CCR3: variants seen among roughly 807,000 people sequenced by gnomAD.
CCR3 encodes the protein C-C chemokine receptor type 3.
For missense variants in CCR3, 419 were observed against 437.5 expected, an observed-to-expected ratio of 0.96 and a Z score of 0.38; for synonymous variants, 203 against 179.2, an observed-to-expected ratio of 1.13 and a Z score of -1.06.
intron 2 of CCR3, among the ~76,000 whole-genome samples, chr3:46,211,763 G>A (rs1020331461): frequency 1.3e-5 from 2 of 152,048 alleles, no homozygotes; most frequent in African/African-American, 2.4e-5. Context: ...ACACTGGTGA[G>A]TGAATACAAT....
intron 2 of CCR3, among the ~76,000 whole-genome samples, chr3:46,221,519 G>T (rs1699836959): frequency 1.3e-5 from 2 of 152,220 alleles, no homozygotes; most frequent in South Asian, 4.1e-4. Context: ...TTCACAAAGA[G>T]AGGTCCTGAC....
At chr3:46,234,005 A>G (rs532082519) in intron 2 of CCR3, among the ~76,000 whole-genome samples, 7 of 152,336 alleles carry the variant, frequency 4.6e-5, no homozygotes, top group South Asian at 4.1e-4. Flanking sequence ...CTGGGCTGCA[A>G]TGGATACCCC....
chr3:46,212,961 G>A (rs918066760), intron 2 of CCR3, among the ~76,000 whole-genome samples: 33 of 152,200 alleles, frequency 2.2e-4, no homozygotes, highest in African/African-American at 7.9e-4. Flanking sequence ...TATACATTGG[G>A]TACTTTTGAC....
At chr3:46,251,879 A>C (rs1351229433) in intron 1 of CCR3, among the ~76,000 whole-genome samples, 4 of 152,132 alleles carry the variant, frequency 2.6e-5, no homozygotes. Context: ...GACTTTCACA[A>C]GGTAATGTCA....
intron 1 of CCR3, among the ~76,000 whole-genome samples, chr3:46,252,881 C>T (rs1454984989): frequency 6.6e-6 from 1 of 151,630 alleles, no homozygotes; most frequent in Non-Finnish European, 1.5e-5. Context: ...CTTTCCACTA[C>T]ATTTAAAATA....
chr3:46,228,714 A>G (rs531796726), intron 2 of CCR3, among the ~76,000 whole-genome samples: 11 of 152,372 alleles, frequency 7.2e-5, no homozygotes, highest in African/African-American at 1.7e-4. Context: ...CTGCCATTTG[A>G]TAACTGTACA....
At chr3:46,215,762 A>G (rs907164254) in intron 2 of CCR3, among the ~76,000 whole-genome samples, 2 of 152,206 alleles carry the variant, frequency 1.3e-5, no homozygotes. Flanking sequence ...CAGAGGACCA[A>G]GAGGGCTGGA....
upstream of CCR3, among the ~76,000 whole-genome samples, chr3:46,237,834 G>C (rs115339805): frequency 3.3e-3 from 495 of 152,280 alleles, 5 homozygotes; most frequent in African/African-American, 0.011. Flanking sequence ...AATGTAAGCT[G>C]CTACATTTTA....
Position 46,210,966 on chromosome 3 carries a change from A to G in CCR3, c.-68+59A>G, listed in dbSNP as rs535714633. On this transcript the variant is annotated intron_variant, in intron 2 of 3. Transcript: ENST00000357422. ...GAGTCACATGGAAGCTTGAAGGACAATTGACTCCTAGGCCCACCCCCAGAT... is the reference window on the plus strand; with the variant it reads ...GAGTCACATGGAAGCTTGAAGGACAGTTGACTCCTAGGCCCACCCCCAGAT... 2.0e-5 allele frequency: 3 copies of G among 152,316 alleles called. No individual in the cohort carries two copies. In the East Asian group the frequency reaches 5.8e-4, roughly 29 times the overall value. The allele number at this position is 152,316 out of a possible 1,614,324, so 9.4% of individuals were successfully genotyped here.
Position 46,242,980 on chromosome 3 carries a change from C to CATATAT in CCR3, c.-12+443_-12+444insTATATA, listed in dbSNP as rs758465669. ...ATATATGTGTATATATATATATATACACATATATATATATATATATATACG... is the reference window on the plus strand; with the variant it reads ...ATATATGTGTATATATATATATATACATATATACATATATATATATATATATATACG... On this transcript the variant is annotated intron_variant, in intron 1 of 1. Coordinates refer to ENST00000395940, the MANE Select transcript of CCR3 (RefSeq NM_178329.3). Among the ~76,000 whole-genome samples, 238 of 98,902 alleles carry CATATAT rather than the reference C, an allele frequency of 2.4e-3. 4 individuals carry two copies. Among genetic ancestry groups the CATATAT allele is most frequent in the Admixed American group, 2.5e-3 (26 of 10,262 alleles). 64.9% of individuals were successfully genotyped at this position (98,902 alleles called of 152,430 possible).
chr3:46,243,353 A>C lies in CCR3; in HGVS notation c.-12+815A>C, dbSNP rs559481855. 2.0e-5 allele frequency among the ~76,000 whole-genome samples: 3 copies of C among 152,252 alleles called. No individual in the cohort carries two copies. In the East Asian group the frequency reaches 5.8e-4, roughly 29 times the overall value. On this transcript the variant is annotated intron_variant, in intron 1 of 1. Coordinates refer to ENST00000395940, the MANE Select transcript of CCR3 (RefSeq NM_178329.3). ...GAATACACAAATGTGGAACCCATGG[A>C]TACAGAGGGCTGATTATATACATAT... is the stretch of plus-strand genomic sequence containing the variant.
chr3:46,244,482 A>G (rs898240665), intron 1 of CCR3, among the ~76,000 whole-genome samples: 1 of 152,112 alleles, frequency 6.6e-6, no homozygotes, highest in African/African-American at 2.4e-5. Context: ...GCGAAGGGAG[A>G]TAAGGGTGGG....
At chr3:46,246,486 G>A (rs1440872567) in intron 1 of CCR3, among the ~76,000 whole-genome samples, 5 of 152,070 alleles carry the variant, frequency 3.3e-5, no homozygotes, top group African/African-American at 1.2e-4. Context: ...GTCGCAAGGT[G>A]CTCAGTGGGG....
At chr3:46,252,185 T>G (rs1229399276) in intron 1 of CCR3, among the ~76,000 whole-genome samples, 4 of 146,334 alleles carry the variant, frequency 2.7e-5, no homozygotes. Context: ...TTTTTTTTTT[T>G]TTTTTTTTGA....
chr3:46,251,928 T>C (rs916657643), intron 1 of CCR3, among the ~76,000 whole-genome samples: 4 of 152,078 alleles, frequency 2.6e-5, no homozygotes, highest in African/African-American at 9.7e-5. Flanking sequence ...ACTTCTTTTG[T>C]GGTGGAGTGT....
intron 1 of CCR3, among the ~76,000 whole-genome samples, chr3:46,242,978 T>TATATATATATATATATATATATAC (rs1322626418): frequency 1.2e-5 from 1 of 81,360 alleles, no homozygotes; most frequent in South Asian, 4.0e-4. Flanking sequence ...TATATATATA[T>TATATATATATATATATATATATAC]ACACATATAT....
chr3:46,253,275 T>C (rs1377993354), intron 1 of CCR3, among the ~76,000 whole-genome samples: 1 of 152,154 alleles, frequency 6.6e-6, no homozygotes, highest in Non-Finnish European at 1.5e-5. Context: ...GCTGGATAAT[T>C]CTACTCAAGG....
At chr3:46,258,571 G>A (rs540213394) in intron 1 of CCR3, among the ~76,000 whole-genome samples, 42 of 152,072 alleles carry the variant, frequency 2.8e-4, no homozygotes, top group Non-Finnish European at 4.6e-4. Context: ...TCATCCTCTC[G>A]CTTGAACTGA....
At chr3:46,241,164 G>GTGCTCTCTCT (rs1553643893), upstream of CCR3, among the ~76,000 whole-genome samples, 3 of 47,836 alleles carry the variant, frequency 6.3e-5, no homozygotes, top group African/African-American at 3.7e-4. Flanking sequence ...ACATGTGTGT[G>GTGCTCTCTCT]CGCTCTCTCT....
Sources: gnomAD v4.1 joint callset for allele counts (sites outside exome capture counted in the v4.1 genomes callset) on GRCh38, gnomAD v4.1.1 for gene constraint, MANE v1.5 for transcripts, NCBI Gene and HGNC (gene_info 2026-07-23, HGNC 2026-07-21) for gene names.